Variants in ROBO2 observed in about 807,000 individuals in gnomAD.
ROBO2 encodes roundabout homolog 2.
A neutral mutation model predicts 160.8 loss-of-function variants in ROBO2; 53 were observed. The ratio of observed to expected loss-of-function variants is 0.33; its 90% confidence interval spans 0.26 to 0.41. The LOEUF (loss-of-function observed/expected upper bound fraction) is 0.41. ROBO2 is among the 10% of genes least tolerant of loss of function. The pLI, the probability that ROBO2 is intolerant of heterozygous loss-of-function variation, is 1.00. For synonymous variants in ROBO2, 664 were observed against 611.7 expected (o/e 1.09, Z -1.26); for missense variants, 1,577 against 1,722.4 (o/e 0.92, Z 1.49).
intron 2 of ROBO2, among the ~76,000 whole-genome samples, chr3:76,293,123 G>T (rs931627408): frequency 1.3e-5 from 2 of 152,100 alleles, no homozygotes; most frequent in African/African-American, 2.4e-5. Flanking sequence ...AAAGGAATTT[G>T]CACAGAGGTA....
intron 1 of ROBO2, among the ~76,000 whole-genome samples, chr3:77,048,146 A>G (rs1351397636): frequency 6.6e-6 from 1 of 152,222 alleles, no homozygotes; most frequent in Non-Finnish European, 1.5e-5. Flanking sequence ...TTAGATTATT[A>G]TTCCCTGCCT....
At position 76,172,256 on chromosome 3, in the gene ROBO2, G is replaced by A. The variant is rs192969289; in HGVS notation, c.109+234654G>A. 6.1e-5 allele frequency among the ~76,000 whole-genome samples: 9 copies of A among 147,258 alleles called. No individual in the cohort carries two copies. In the East Asian group the frequency reaches 1.5e-3, roughly 24 times the overall value. ...TGAACAATGAGAACACATGGACACA[G>A]GAAGGGGAACATCACACACCAGGGA... On this transcript the variant is annotated intron_variant, in intron 2 of 26. Coordinates refer to the ROBO2 transcript ENST00000487694.
chr3:77,200,267 T>TTATA lies in ROBO2; in HGVS notation c.388+101979_388+101982dup, dbSNP rs144644165. Among the ~76,000 whole-genome samples, 339 of 46,250 alleles carry TTATA rather than the reference T, an allele frequency of 7.3e-3. 3 individuals carry two copies. The highest frequency in any genetic ancestry group is 0.011 in the Non-Finnish European group (207 of 18,876). 30.3% of individuals were successfully genotyped at this position (46,250 alleles called of 152,430 possible). ...GTATGTATATCCTAACTAACATATT[T>TTATA]TATATATATATATATATATATATAT... On this transcript the variant is annotated intron_variant, in intron 2 of 25. Transcript: ENST00000461745.
intron 2 of ROBO2, among the ~76,000 whole-genome samples, chr3:77,458,208 T>C (rs548947075): frequency 9.8e-5 from 15 of 152,310 alleles, no homozygotes; most frequent in African/African-American, 2.6e-4. Flanking sequence ...AGGCTTTCAA[T>C]CACCAAAACA....
At chr3:77,255,808 T>C (rs1445980572) in intron 2 of ROBO2, among the ~76,000 whole-genome samples, 1 of 152,210 alleles carries the variant, frequency 6.6e-6, no homozygotes, top group Non-Finnish European at 1.5e-5. Flanking sequence ...AATTTTAATC[T>C]ATTCTGTATA....
intron 2 of ROBO2, among the ~76,000 whole-genome samples, chr3:76,088,322 G>T (rs1305006266): frequency 6.6e-6 from 1 of 151,926 alleles, no homozygotes; most frequent in Non-Finnish European, 1.5e-5. Flanking sequence ...AATCCAACAG[G>T]CAGAAAATCG....
chr3:76,833,634 G>C (rs1166940), intron 2 of ROBO2, among the ~76,000 whole-genome samples: 1 of 151,900 alleles, frequency 6.6e-6, no homozygotes, highest in African/African-American at 2.4e-5. Context: ...GTTATCTGTA[G>C]CCCACAAGTG....
rs3732528 is a variant in ROBO2 at position 76,745,115 on chromosome 3, T to C, written c.110-352899T>C. ...TCTTTCCTTAAGTATATTTGAGGAT[T>C]AATCTTTTTGCTATTAATTTTATTT... On this transcript the variant is annotated intron_variant, in intron 2 of 26. Coordinates refer to the ROBO2 transcript ENST00000487694. 3.2e-4 allele frequency among the ~76,000 whole-genome samples: 49 copies of C among 152,316 alleles called. No individual in the cohort carries two copies. In the East Asian group the frequency reaches 9.3e-3, roughly 29 times the overall value.
At chr3:76,178,961 T>G (rs2073329899) in intron 2 of ROBO2, among the ~76,000 whole-genome samples, 1 of 151,882 alleles carries the variant, frequency 6.6e-6, no homozygotes, top group South Asian at 2.1e-4. Flanking sequence ...AATAAATAAA[T>G]AAAAAGGAAC....
chr3:77,551,990 C>G (rs1025919481), intron 8 of ROBO2, among the ~76,000 whole-genome samples: 1 of 151,874 alleles, frequency 6.6e-6, no homozygotes, highest in Non-Finnish European at 1.5e-5. Context: ...GACATTGAGT[C>G]GTTAATGGCT....
At chr3:77,262,071 A>G (rs2058813062) in intron 2 of ROBO2, among the ~76,000 whole-genome samples, 1 of 152,200 alleles carries the variant, frequency 6.6e-6, no homozygotes, top group African/African-American at 2.4e-5. Flanking sequence ...TGCCACTTCA[A>G]ATTTGTACAT....
At chr3:77,476,920 A>G (rs933400736) in intron 2 of ROBO2, among the ~76,000 whole-genome samples, 9 of 152,136 alleles carry the variant, frequency 5.9e-5, no homozygotes, top group Non-Finnish European at 1.3e-4. Flanking sequence ...AAGTGTAATG[A>G]AAACAGTGTG....
intron 2 of ROBO2, among the ~76,000 whole-genome samples, chr3:76,620,118 A>T (rs1463085110): frequency 6.6e-6 from 1 of 152,158 alleles, no homozygotes. Context: ...AAATAACCTC[A>T]TGTTTTCTTT....
intron 2 of ROBO2, among the ~76,000 whole-genome samples, chr3:76,156,517 A>T (rs2072416100): frequency 6.6e-6 from 1 of 152,218 alleles, no homozygotes; most frequent in South Asian, 2.1e-4. Context: ...CAAGGCATGT[A>T]AAAGTGAGTT....
At chr3:76,194,350 G>GTGTGTGTGTATATATATATATATA (rs759087780) in intron 2 of ROBO2, among the ~76,000 whole-genome samples, 1 of 42,046 alleles carries the variant, frequency 2.4e-5, no homozygotes, top group African/African-American at 5.9e-5. Flanking sequence ...TGTATGGTGT[G>GTGTGTGTGTATATATATATATATA]TAAATATATA....
chr3:76,184,550 TAG>T (rs1701653445), intron 2 of ROBO2, among the ~76,000 whole-genome samples: 1 of 61,368 alleles, frequency 1.6e-5, no homozygotes, highest in African/African-American at 4.9e-5. Context: ...AGGAGATAGA[TAG>T]ATAGATAGAT....
intron 2 of ROBO2, among the ~76,000 whole-genome samples, chr3:76,491,647 T>C (rs1280435784): frequency 1.3e-5 from 2 of 152,218 alleles, no homozygotes; most frequent in East Asian, 3.8e-4. Context: ...ATACCTATAT[T>C]GAAAATTTTC....
At chr3:76,654,325 G>A (rs994442148) in intron 2 of ROBO2, among the ~76,000 whole-genome samples, 3 of 152,140 alleles carry the variant, frequency 2.0e-5, no homozygotes, top group Non-Finnish European at 4.4e-5. Context: ...TATAAAAGAA[G>A]TGTTGGCAGT....
At chr3:76,377,915 G>T (rs1308553369) in intron 2 of ROBO2, among the ~76,000 whole-genome samples, 1 of 152,080 alleles carries the variant, frequency 6.6e-6, no homozygotes, top group Non-Finnish European at 1.5e-5. Context: ...GAACTCAGTG[G>T]CATGTAATTT....
Sources: gnomAD v4.1 joint callset for allele counts (sites outside exome capture counted in the v4.1 genomes callset) on GRCh38, gnomAD v4.1.1 for gene constraint, MANE v1.5 for transcripts, NCBI Gene and HGNC (gene_info 2026-07-23, HGNC 2026-07-21) for gene names.